ADAM17: variants seen among roughly 807,000 people sequenced by gnomAD.
ADAM17 encodes disintegrin and metalloproteinase domain-containing protein 17.
In ADAM17, 39 loss-of-function variants were observed where a neutral mutation model predicts 96.7. The observed-to-expected ratio is 0.40, with a 90% CI of 0.31 to 0.53. The LOEUF is 0.53. Ranked by LOEUF, ADAM17 falls within the 20% of genes least tolerant of loss-of-function variation. The pLI is 0.44. For missense variants in ADAM17, 777 were observed against 1,013.2 expected (o/e 0.77, Z 3.17); for synonymous variants, 344 against 359.2 (o/e 0.96, Z 0.48).
At chr2:9,548,552 C>A (rs1665486252) in intron 1 of ADAM17, among the ~76,000 whole-genome samples, 1 of 151,060 alleles carries the variant, frequency 6.6e-6, no homozygotes, top group Non-Finnish European at 1.5e-5. Context: ...CTGAAAGATT[C>A]TGGAGTTTTG....
Position 9,523,235 on chromosome 2 carries a change from CT to C in ADAM17, c.843+13del, listed in dbSNP as rs750553081. ...AAAACTTAAGTAATATAAGCCATATCTATTGATAAATACCTGCTCTATCTGT... is the reference window on the plus strand; with the variant it reads ...AAAACTTAAGTAATATAAGCCATATCATTGATAAATACCTGCTCTATCTGT... On this transcript the variant is annotated intron_variant, in intron 7 of 18. Coordinates refer to ENST00000310823, the MANE Select transcript of ADAM17 (RefSeq NM_003183.6). 2 of 1,568,278 alleles carry C rather than the reference CT, an allele frequency of 1.3e-6. No individual in the cohort carries two copies. The highest frequency in any genetic ancestry group is 1.7e-6 in the Non-Finnish European group (2 of 1,145,796).
At chr2:9,511,254 G>A (rs542663501) in intron 10 of ADAM17, among the ~76,000 whole-genome samples, 1 of 152,136 alleles carries the variant, frequency 6.6e-6, no homozygotes, top group Non-Finnish European at 1.5e-5. Flanking sequence ...TTCGAGACCA[G>A]CCTGGCCAAC....
At chr2:9,495,654 C>T (rs936641130) in intron 14 of ADAM17, among the ~76,000 whole-genome samples, 2 of 150,074 alleles carry the variant, frequency 1.3e-5, no homozygotes, top group Non-Finnish European at 2.9e-5. Flanking sequence ...GCGGAGGCTG[C>T]GGTGACCTGA....
At chr2:9,544,840 A>G (rs1289952914) in intron 1 of ADAM17, among the ~76,000 whole-genome samples, 2 of 152,132 alleles carry the variant, frequency 1.3e-5, no homozygotes, top group African/African-American at 4.8e-5. Context: ...AAGAAAAAAA[A>G]AGCCAAAAAG....
Position 9,521,055 on chromosome 2 carries a change from T to C in ADAM17, c.957+148A>G, listed in dbSNP as rs4328603. 0.59 allele frequency: 272,255 copies of C among 463,832 alleles called. 87,400 individuals carry two copies. The highest frequency in any genetic ancestry group is 0.74 in the Middle Eastern group (2,286 of 3,100). 28.7% of individuals were successfully genotyped at this position (463,832 alleles called of 1,614,324 possible). The stretch of plus-strand genomic sequence containing the variant: ...GTTATTTGTTGTCTATGCTGCTACA[T>C]GGGATGGGGTTACTGCTGGATCAGC... On this transcript the variant is annotated intron_variant, in intron 8 of 18. Transcript: ENST00000310823.
At chr2:9,528,739 GA>G (rs1558517723) in intron 4 of ADAM17, among the ~76,000 whole-genome samples, 2 of 152,176 alleles carry the variant, frequency 1.3e-5, no homozygotes, top group South Asian at 4.1e-4. Flanking sequence ...CCCCAATGGG[GA>G]AAAAAACCCC....
At chr2:9,514,493 T>C (rs865851647) in intron 10 of ADAM17, among the ~76,000 whole-genome samples, 232 of 134,620 alleles carry the variant, frequency 1.7e-3, no homozygotes, top group African/African-American at 5.9e-3. Context: ...TGCACATGTA[T>C]CCTAGAACTT....
At position 9,489,154 on chromosome 2, in the gene ADAM17, T is replaced by G. The variant is rs1203417334; in HGVS notation, c.*1023A>C. 3.2e-5 allele frequency: 4 copies of G among 125,924 alleles called. No individual in the cohort carries two copies. Among genetic ancestry groups the G allele is most frequent in the African/African-American group, 1.1e-4 (4 of 37,514 alleles). The allele number at this position is 125,924 out of a possible 1,614,324, so 7.8% of individuals were successfully genotyped here. On this transcript the variant is annotated 3_prime_UTR_variant, in exon 19 of 19. Coordinates refer to ENST00000310823, the MANE Select transcript of ADAM17 (RefSeq NM_003183.6). Reference sequence around the variant, plus strand: ...CTCATCACATTCAAAACAACCTGTTTTTTTTGTTGTTGTTGTTGTTAAGAA... The same window carrying G: ...CTCATCACATTCAAAACAACCTGTTGTTTTTGTTGTTGTTGTTGTTAAGAA...
At chr2:9,509,304 T>C (rs1205201160) in intron 11 of ADAM17, among the ~76,000 whole-genome samples, 1 of 152,270 alleles carries the variant, frequency 6.6e-6, no homozygotes, top group Non-Finnish European at 1.5e-5. Flanking sequence ...CAGATATTTA[T>C]TAACACAACT....
intron 17 of ADAM17, 145 bp downstream of exon 17, chr2:9,492,753 C>T: frequency 1.7e-6 from 1 of 585,190 alleles, no homozygotes; most frequent in Non-Finnish European, 2.9e-6. Flanking sequence ...AGACATGTTC[C>T]CCTAGGAATA....
At chr2:9,503,828 A>C (rs1572901648) in intron 12 of ADAM17, among the ~76,000 whole-genome samples, 3 of 128,184 alleles carry the variant, frequency 2.3e-5, no homozygotes, top group South Asian at 2.5e-4. Flanking sequence ...ACAGAGCAAG[A>C]CTCCGTCTCA....
At chr2:9,540,894 T>C (rs1236885911) in intron 2 of ADAM17, among the ~76,000 whole-genome samples, 1 of 152,226 alleles carries the variant, frequency 6.6e-6, no homozygotes, top group Non-Finnish European at 1.5e-5. Flanking sequence ...AAACCTACTA[T>C]TGGCAAAGAT....
chr2:9,542,115 A>T (rs1362334960), intron 2 of ADAM17, among the ~76,000 whole-genome samples: 1 of 152,234 alleles, frequency 6.6e-6, no homozygotes, highest in Non-Finnish European at 1.5e-5. Context: ...CTTCCTAAAG[A>T]CTTTAAAAAG....
rs1661914577 is a variant in ADAM17 at position 9,489,559 on chromosome 2, A to G, written c.*618T>C. 6.6e-6 allele frequency: 1 copy of G among 152,458 alleles called. No individual in the cohort carries two copies. 9.4% of individuals were successfully genotyped at this position (152,458 alleles called of 1,614,324 possible). On this transcript the variant is annotated 3_prime_UTR_variant, in exon 19 of 19. Coordinates refer to ENST00000310823, the MANE Select transcript of ADAM17 (RefSeq NM_003183.6). ...GTAAGGTAGGTGGTTAGGTTTCTAG[A>G]GAGCATTAGTCTTAGAATTATGAAG...
intron 4 of ADAM17, among the ~76,000 whole-genome samples, chr2:9,533,909 G>A (rs1664851477): frequency 6.6e-6 from 1 of 152,148 alleles, no homozygotes; most frequent in Admixed American, 6.5e-5. Flanking sequence ...CTCAGCTATG[G>A]GAGTTTATCT....
intron 1 of ADAM17, among the ~76,000 whole-genome samples, chr2:9,548,495 A>G (rs1053857941): frequency 4.6e-5 from 7 of 152,034 alleles, no homozygotes; most frequent in African/African-American, 1.4e-4. Flanking sequence ...AAAAAAAAAA[A>G]AGAAAACAAA....
intron 4 of ADAM17, among the ~76,000 whole-genome samples, chr2:9,529,006 A>G (rs940168517): frequency 5.9e-5 from 9 of 152,276 alleles, no homozygotes; most frequent in African/African-American, 2.2e-4. Context: ...AAAAGTGGAA[A>G]CAACCCAAAT....
intron 4 of ADAM17, among the ~76,000 whole-genome samples, chr2:9,531,967 T>G (rs191277483): frequency 6.6e-6 from 1 of 152,170 alleles, no homozygotes; most frequent in African/African-American, 2.4e-5. Context: ...AACAAATTAG[T>G]TGGGCATGGT....
At chr2:9,499,819 C>A (rs1288968182) in intron 13 of ADAM17, among the ~76,000 whole-genome samples, 1 of 152,146 alleles carries the variant, frequency 6.6e-6, no homozygotes, top group African/African-American at 2.4e-5. Flanking sequence ...AAATAGGACA[C>A]AACTTCATTC....
Sources: gnomAD v4.1 joint callset for allele counts (sites outside exome capture counted in the v4.1 genomes callset) on GRCh38, gnomAD v4.1.1 for gene constraint, MANE v1.5 for transcripts, NCBI Gene and HGNC (gene_info 2026-07-23, HGNC 2026-07-21) for gene names.